SH3BP5: variants seen among roughly 807,000 people sequenced by gnomAD.
SH3BP5 encodes SH3 domain binding protein 5, also known as SH3 domain-binding protein 5.
In SH3BP5, 22 loss-of-function variants were observed where a neutral mutation model predicts 43.3. The observed-to-expected ratio is 0.51, with a 90% CI of 0.36 to 0.73. The LOEUF (loss-of-function observed/expected upper bound fraction) is 0.73, where lower values mean the gene tolerates loss of function less well. Ranked by LOEUF, SH3BP5 falls within the 30% of genes least tolerant of loss-of-function variation. SH3BP5 has a pLI of 0.00. For synonymous variants in SH3BP5, 255 were observed against 225.8 expected, an observed-to-expected ratio of 1.13 and a Z score of -1.16; for missense variants, 529 against 586.9, an observed-to-expected ratio of 0.90 and a Z score of 1.02.
intron 3 of SH3BP5, among the ~76,000 whole-genome samples, chr3:15,286,130 A>C (rs1697258917): frequency 6.6e-6 from 1 of 152,234 alleles, no homozygotes; most frequent in South Asian, 2.1e-4. Context: ...AGGCTATCAG[A>C]AACAGCATCA....
chr3:15,332,234 G>A, intron 1 of SH3BP5, 37 bp downstream of exon 1: 2 of 1,549,956 alleles, frequency 1.3e-6, no homozygotes, highest in South Asian at 1.2e-5. Flanking sequence ...AGCAGCCCTC[G>A]CGAAGCCCGG....
upstream of SH3BP5, chr3:15,333,120 G>C (rs1396556278): frequency 2.0e-6 from 2 of 985,360 alleles, no homozygotes; most frequent in African/African-American, 3.5e-5. Flanking sequence ...AATGCATTGA[G>C]CTGGGATTTA....
chr3:15,301,230 T>TC (rs1451719903), intron 3 of SH3BP5, among the ~76,000 whole-genome samples: 1 of 152,050 alleles, frequency 6.6e-6, no homozygotes, highest in Non-Finnish European at 1.5e-5. Context: ...CATGCCACTC[T>TC]CCATCTGCTT....
At chr3:15,287,274 C>A (rs570384220) in intron 3 of SH3BP5, among the ~76,000 whole-genome samples, 1 of 152,194 alleles carries the variant, frequency 6.6e-6, no homozygotes, top group South Asian at 2.1e-4. Flanking sequence ...TTTAAAGGGA[C>A]GCAACATATA....
At chr3:15,314,650 C>A (rs1459285145) in intron 2 of SH3BP5, among the ~76,000 whole-genome samples, 2 of 152,154 alleles carry the variant, frequency 1.3e-5, no homozygotes, top group Non-Finnish European at 2.9e-5. Context: ...ATGGCATAGG[C>A]CCAATTCCAC....
chr3:15,269,192 C>A (rs1696726733), intron 4 of SH3BP5, among the ~76,000 whole-genome samples: 1 of 152,108 alleles, frequency 6.6e-6, no homozygotes, highest in African/African-American at 2.4e-5. Flanking sequence ...CACACACAGT[C>A]CGCTTCCTCT....
At chr3:15,318,078 A>G (rs1266934216) in intron 2 of SH3BP5, among the ~76,000 whole-genome samples, 1 of 152,176 alleles carries the variant, frequency 6.6e-6, no homozygotes, top group Non-Finnish European at 1.5e-5. Context: ...GAGAGAATTG[A>G]CTTATTCACT....
At chr3:15,302,767 G>T (rs1697787834) in intron 3 of SH3BP5, among the ~76,000 whole-genome samples, 1 of 151,996 alleles carries the variant, frequency 6.6e-6, no homozygotes, top group Admixed American at 6.6e-5. Context: ...TACACAGTAG[G>T]TGCTCAGAAA....
chr3:15,304,845 A>G (rs1309050169), intron 2 of SH3BP5, among the ~76,000 whole-genome samples: 1 of 150,664 alleles, frequency 6.6e-6, no homozygotes, highest in Admixed American at 6.6e-5. Flanking sequence ...CTTAGTAAGC[A>G]ACAACAACGC....
intron 2 of SH3BP5, among the ~76,000 whole-genome samples, chr3:15,327,648 A>T (rs1186805177): frequency 6.6e-6 from 1 of 152,150 alleles, no homozygotes; most frequent in Admixed American, 6.5e-5. Context: ...ACTCACCCCA[A>T]CCAAAAACGT....
intron 2 of SH3BP5, among the ~76,000 whole-genome samples, chr3:15,326,605 T>C (rs1400940934): frequency 6.6e-6 from 1 of 152,240 alleles, no homozygotes. Flanking sequence ...AATTTATATG[T>C]AACCCCAAAA....
chr3:15,337,671 C>G (rs1698716882), intron 1 of SH3BP5, among the ~76,000 whole-genome samples: 1 of 151,774 alleles, frequency 6.6e-6, no homozygotes, highest in Non-Finnish European at 1.5e-5. Context: ...TTTGAGAGGC[C>G]AAGGGAGGAG....
chr3:15,308,593 CCTGGTAGGGGCTGGA>C (rs1156314075), intron 2 of SH3BP5, among the ~76,000 whole-genome samples: 10 of 152,136 alleles, frequency 6.6e-5, no homozygotes, highest in Non-Finnish European at 1.5e-4. Flanking sequence ...GACGGGCTGG[CCTGGTAGGGGCTGGA>C]GCAAGGACGC....
chr3:15,292,197 GAGA>G (rs775634325), intron 3 of SH3BP5, among the ~76,000 whole-genome samples: 4 of 152,198 alleles, frequency 2.6e-5, no homozygotes, highest in African/African-American at 9.6e-5. Flanking sequence ...GAGTACAGTT[GAGA>G]AGAAGGAAGG....
upstream of SH3BP5, chr3:15,333,345 C>T: frequency 3.5e-6 from 3 of 864,864 alleles, no homozygotes; most frequent in Non-Finnish European, 4.2e-6. Flanking sequence ...ATGACCTTGG[C>T]AAAGCAGATG....
At chr3:15,297,363 G>T (rs1055164581) in intron 3 of SH3BP5, among the ~76,000 whole-genome samples, 29 of 152,078 alleles carry the variant, frequency 1.9e-4, no homozygotes, top group Non-Finnish European at 1.5e-5. Context: ...GGAGAGGCCT[G>T]TTTCCTCTTC....
chr3:15,335,438 A>G (rs1427227600), upstream of SH3BP5, among the ~76,000 whole-genome samples: 4 of 152,136 alleles, frequency 2.6e-5, no homozygotes, highest in East Asian at 3.9e-4. Context: ...TTAGCAAGGC[A>G]TGGTAGCACA....
intron 2 of SH3BP5, among the ~76,000 whole-genome samples, chr3:15,304,805 ACT>A (rs1441933326): frequency 1.6e-5 from 2 of 121,470 alleles, no homozygotes; most frequent in African/African-American, 6.9e-5. Flanking sequence ...ACAGAGCACG[ACT>A]CTGTCTCAAA....
chr3:15,256,206 GC>G lies in SH3BP5; in HGVS notation c.1247del (p.Ser416ThrfsTer16). On this transcript the variant is annotated frameshift_variant, in exon 9 of 9. Coordinates refer to ENST00000383791, the MANE Select transcript of SH3BP5 (RefSeq NM_004844.5). LOFTEE classifies it low-confidence loss of function (END_TRUNC). ...GGCCCTCAGGGGAGGTGCTGCTTTG[GC>G]TCTTACTGCTGCCACCACTGCCACT... ...SSSGSGGSSKSQSSTSPEGQA... is the reference protein window; with the variant it reads ...SSSGSGGSSKXQSSTSPEGQA... 3 of 1,614,172 alleles carry G rather than the reference GC, an allele frequency of 1.9e-6. No individual in the cohort carries two copies. The highest frequency in any genetic ancestry group is 2.5e-6 in the Non-Finnish European group (3 of 1,180,018).
Sources: gnomAD v4.1 joint callset for allele counts (sites outside exome capture counted in the v4.1 genomes callset) on GRCh38, gnomAD v4.1.1 for gene constraint, MANE v1.5 for transcripts, NCBI Gene and HGNC (gene_info 2026-07-23, HGNC 2026-07-21) for gene names.